The following CACNA1B variants were observed in gnomAD, a reference collection of about 807,000 sequenced individuals.
CACNA1B encodes voltage-dependent N-type calcium channel subunit alpha-1B.
A neutral mutation model predicts 247.2 loss-of-function variants in CACNA1B; 70 were observed. The observed-to-expected ratio is 0.28, with a 90% CI of 0.23 to 0.35. CACNA1B has a LOEUF of 0.35. Among genes scored for constraint, CACNA1B ranks in the 10% least tolerant of loss-of-function variants. The pLI is 1.00. For missense variants in CACNA1B, 2,367 were observed against 3,197.4 expected (o/e 0.74, Z 6.26); for synonymous variants, 1,231 against 1,294.4 (o/e 0.95, Z 1.05).
At chr9:137,994,859 A>C (rs192729242) in intron 15 of CACNA1B, among the ~76,000 whole-genome samples, 37 of 152,336 alleles carry the variant, frequency 2.4e-4, no homozygotes, top group African/African-American at 8.4e-4. Context: ...TAGAAAAAAC[A>C]ATCCTAAAAT....
At chr9:138,108,620 T>TA (rs1961519191) in intron 39 of CACNA1B, among the ~76,000 whole-genome samples, 1 of 152,128 alleles carries the variant, frequency 6.6e-6, no homozygotes, top group Non-Finnish European at 1.5e-5. Flanking sequence ...TAGATTTTTT[T>TA]AAATCTTCAA....
rs1047283325 is a variant in CACNA1B at position 138,102,944 on chromosome 9, C to T, written c.5319+137C>T. On this transcript the variant is annotated intron_variant, in intron 38 of 46. Transcript: ENST00000371372. This position sits in a 1 kb window ranked among gnomAD's most constrained non-coding sequence, Gnocchi z 5.4. ...CCGCTCTGCTGTGCGCCCCCGGCTG[C>T]CTCACTGTGTCTTTCTCTTCAGCCC... is the stretch of plus-strand genomic sequence containing the variant. The T allele has an allele frequency of 6.8e-6, 4 of 590,954 alleles. No individual in the cohort carries two copies. The highest frequency in any genetic ancestry group is 1.2e-5 in the Non-Finnish European group (4 of 330,946). 36.6% of individuals were successfully genotyped at this position (590,954 alleles called of 1,614,324 possible).
rs947361607 is a variant in CACNA1B, at chr9:137,952,989, A to C, written c.1070+612A>C. Among the ~76,000 whole-genome samples the C allele has an allele frequency of 1.3e-5, 2 of 152,148 alleles. No homozygotes were observed. The highest frequency in any genetic ancestry group is 2.9e-5 in the Non-Finnish European group (2 of 68,014). On this transcript the variant is annotated intron_variant, in intron 7 of 46. Transcript: ENST00000371372. This position sits in a 1 kb window ranked among gnomAD's most constrained non-coding sequence, Gnocchi z 4.8. ...CCTCTCAGGTCACCTCTTTGTGCCA[A>C]GCTACTCCAGGGGATGGTGAGAGAG...
chr9:138,071,472 C>T (rs1960131122), intron 32 of CACNA1B, among the ~76,000 whole-genome samples: 1 of 152,314 alleles, frequency 6.6e-6, no homozygotes, highest in Non-Finnish European at 1.5e-5. Context: ...ATGCAGCTGG[C>T]ATGGTGCTCG....
chr9:138,069,895 C>A, intron 32 of CACNA1B, 132 bp downstream of exon 32: 1 of 767,614 alleles, frequency 1.3e-6, no homozygotes, highest in South Asian at 1.5e-5. Flanking sequence ...TGCATCCACT[C>A]ACCTCTGGCC....
At position 137,879,077 on chromosome 9, in the gene CACNA1B, C is replaced by T. The variant is rs1328031981; in HGVS notation, c.308C>T (p.Ala103Val). The T allele has an allele frequency of 1.2e-6, 2 of 1,611,592 alleles. No individual in the cohort carries two copies. Among genetic ancestry groups the T allele is most frequent in the Non-Finnish European group, 1.7e-6 (2 of 1,178,676 alleles). Reference sequence around the variant, plus strand: ...ACTCCATTCGAGTATATGATCCTGGCCACCATCATCGCCAACTGCATCGTG... The same window carrying T: ...ACTCCATTCGAGTATATGATCCTGGTCACCATCATCGCCAACTGCATCGTG... ...EWPPFEYMIL[A>V]TIIANCIVLA... is the part of the protein sequence containing the mutation. The change falls in exon 2 of 47, where the codon GCC becomes GTC. Residue 103 changes from alanine to valine, a missense_variant. Physicochemically the swap from Ala to Val is moderately conservative, Grantham distance 64. Coordinates refer to ENST00000371372, the MANE Select transcript of CACNA1B (RefSeq NM_000718.4).
chr9:137,944,140 T>C (rs1957766396), intron 6 of CACNA1B, among the ~76,000 whole-genome samples: 1 of 152,218 alleles, frequency 6.6e-6, no homozygotes, highest in South Asian at 2.1e-4. Context: ...TTGCCATTTT[T>C]CTTTACTCTG....
intron 19 of CACNA1B, 52 bp downstream of exon 19, chr9:138,023,863 G>C: frequency 1.1e-6 from 1 of 888,920 alleles, no homozygotes; most frequent in Non-Finnish European, 1.8e-6. Flanking sequence ...CCGGGGCGGC[G>C]CGGGCCCCAG....
At chr9:138,003,105 T>G (rs1314509892) in intron 15 of CACNA1B, among the ~76,000 whole-genome samples, 1 of 151,216 alleles carries the variant, frequency 6.6e-6, no homozygotes, top group Non-Finnish European at 1.5e-5. Flanking sequence ...CCAAATTTCT[T>G]TTTTTTAATG....
At chr9:137,909,612 A>G (rs1957338314) in intron 3 of CACNA1B, among the ~76,000 whole-genome samples, 1 of 152,136 alleles carries the variant, frequency 6.6e-6, no homozygotes, top group African/African-American at 2.4e-5. Context: ...CAGGTGATAG[A>G]CATTTGTGTT....
chr9:137,883,571 A>G (rs776033405), intron 3 of CACNA1B, among the ~76,000 whole-genome samples: 18 of 148,892 alleles, frequency 1.2e-4, no homozygotes, highest in Non-Finnish European at 1.0e-4. Context: ...TAACTCCCCA[A>G]CCTGTGCAGT....
chr9:138,020,345 G>A lies in CACNA1B; in HGVS notation c.2268-2666G>A, dbSNP rs1471349616. Among the ~76,000 whole-genome samples, 4 of 152,272 alleles carry A rather than the reference G, an allele frequency of 2.6e-5. No homozygotes were observed. The East Asian group carries it at 5.8e-4, about 22-fold the overall frequency. ...AGGCCAGGACACAGGGGTGCCAGTCGTCCATGTGACTTCCTTAAAGAACCC... is the reference window on the plus strand; with the variant it reads ...AGGCCAGGACACAGGGGTGCCAGTCATCCATGTGACTTCCTTAAAGAACCC... On this transcript the variant is annotated intron_variant, in intron 18 of 46. Transcript: ENST00000371372. The surrounding 1 kb of genome is among the most constrained non-coding windows in gnomAD (Gnocchi z 4.1).
chr9:137,982,840 C>T (rs1958309799), intron 12 of CACNA1B, among the ~76,000 whole-genome samples: 1 of 152,180 alleles, frequency 6.6e-6, no homozygotes, highest in South Asian at 2.1e-4. Context: ...AGGGTTATCA[C>T]AGGTTCTGTG....
chr9:137,895,143 A>T (rs1957158696), intron 3 of CACNA1B, among the ~76,000 whole-genome samples: 1 of 152,220 alleles, frequency 6.6e-6, no homozygotes, highest in African/African-American at 2.4e-5. Flanking sequence ...CTTTATCAAA[A>T]ACCAACTGGG....
intron 6 of CACNA1B, among the ~76,000 whole-genome samples, chr9:137,936,747 C>T (rs1409635689): frequency 6.6e-6 from 1 of 152,156 alleles, no homozygotes; most frequent in Non-Finnish European, 1.5e-5. Flanking sequence ...ATCCTTTCCC[C>T]ATTTCTTGTT....
At chr9:137,956,670 A>AT in intron 8 of CACNA1B, 101 bp from the exon 9 acceptor site, 5 of 867,934 alleles carry the variant, frequency 5.8e-6, no homozygotes, top group Non-Finnish European at 8.7e-6. Flanking sequence ...AAAAAAAAAA[A>AT]GAGCTGAGAA....
rs1958669286 is a variant in CACNA1B at position 138,007,601 on chromosome 9, G to A, written c.2092+717G>A. Among the ~76,000 whole-genome samples the A allele has an allele frequency of 1.3e-5, 2 of 152,192 alleles. No homozygotes were observed. Among genetic ancestry groups the A allele is most frequent in the African/African-American group, 4.8e-5 (2 of 41,450 alleles). On this transcript the variant is annotated intron_variant, in intron 16 of 46. Coordinates refer to ENST00000371372, the MANE Select transcript of CACNA1B (RefSeq NM_000718.4). The surrounding 1 kb of genome is among the most constrained non-coding windows in gnomAD (Gnocchi z 4.1). Reference sequence around the variant, plus strand: ...ACTCATCTGGGCATCACAGTCCCCTGAGGGATGGTAAGCCTGGATTCCAGC... The same window carrying A: ...ACTCATCTGGGCATCACAGTCCCCTAAGGGATGGTAAGCCTGGATTCCAGC...
At chr9:138,032,896 T>C in intron 20 of CACNA1B, 1 of 297,498 alleles carries the variant, frequency 3.4e-6, no homozygotes, top group Admixed American at 5.1e-5. Context: ...GTTTGCTCAA[T>C]TTCTTGAATT....
rs1196440853 is a variant in CACNA1B, at chr9:137,880,247, C to G, written c.390+1088C>G. ...TTATGGGTGGCCGAGGTGAGGAGGT[C>G]TTAATGGAGCACAGTCTGGAATGCC... On this transcript the variant is annotated intron_variant, in intron 2 of 46. Transcript: ENST00000371372. This position sits in a 1 kb window ranked among gnomAD's most constrained non-coding sequence, Gnocchi z 4.8. Among the ~76,000 whole-genome samples the G allele has an allele frequency of 1.3e-5, 2 of 152,192 alleles. No individual in the cohort carries two copies. The highest frequency in any genetic ancestry group is 4.8e-5 in the African/African-American group (2 of 41,534).
Sources: allele counts gnomAD v4.1 joint callset (sites outside exome capture counted in the v4.1 genomes callset), GRCh38; gene constraint gnomAD v4.1.1; non-coding constraint Gnocchi (gnomAD v3.1); transcripts MANE v1.5; gene names NCBI Gene and HGNC (gene_info 2026-07-23, HGNC 2026-07-21).